The following DRICH1 variants were observed in gnomAD, a reference collection of about 807,000 sequenced individuals.
The protein encoded by DRICH1 is aspartate-rich protein 1.
In DRICH1, 38 loss-of-function variants were observed where a neutral mutation model predicts 39.5. The ratio of observed to expected loss-of-function variants is 0.96; its 90% CI spans 0.74 to 1.26. The LOEUF is 1.26. Among genes scored for constraint, DRICH1 ranks in the 50% most tolerant of loss-of-function variants. DRICH1 has a pLI of 0.00. For missense variants in DRICH1, 279 were observed against 270.4 expected (o/e 1.03, Z -0.22); for synonymous variants, 84 against 99.5 (o/e 0.84, Z 0.93).
At chr22:23,598,210 T>C in the DRICH1 span, among the ~76,000 whole-genome samples, 15 of 145,896 alleles carry the variant, frequency 1.0e-4, no homozygotes, top group South Asian at 3.2e-3. Context: ...TGGCTGGTCC[T>C]CAGGTCCCTG....
At chr22:23,613,564 C>G in intron 10 of DRICH1, 75 bp downstream of exon 10, 1 of 1,188,356 alleles carries the variant, frequency 8.4e-7, no homozygotes, top group Non-Finnish European at 1.3e-6. Context: ...CCAGCAGGAC[C>G]CCAGAATCAG....
chr22:23,606,136 A>C (rs754254461), downstream of DRICH1, among the ~76,000 whole-genome samples: 20 of 151,984 alleles, frequency 1.3e-4, no homozygotes, highest in Non-Finnish European at 1.3e-4. Flanking sequence ...ACAAAATAGT[A>C]ACCCTTTAGT....
intron 1 of DRICH1, among the ~76,000 whole-genome samples, chr22:23,628,880 A>C (rs1427643546): frequency 1.3e-5 from 2 of 152,194 alleles, no homozygotes; most frequent in Non-Finnish European, 2.9e-5. Flanking sequence ...AAGAGAAAGC[A>C]ATGAAACTCC....
chr22:23,622,472 A>C (rs1477481353), intron 3 of DRICH1, among the ~76,000 whole-genome samples: 3 of 152,130 alleles, frequency 2.0e-5, no homozygotes, highest in Non-Finnish European at 4.4e-5. Flanking sequence ...CCTACCTCTC[A>C]AATGTTTTGA....
At chr22:23,587,072 T>C in the DRICH1 span, among the ~76,000 whole-genome samples, 1 of 152,212 alleles carries the variant, frequency 6.6e-6, no homozygotes, top group African/African-American at 2.4e-5. Context: ...GCCCTTATCG[T>C]GCAAGAGTCA....
intron 11 of DRICH1, among the ~76,000 whole-genome samples, chr22:23,612,352 C>A (rs1054180308): frequency 6.6e-6 from 1 of 151,104 alleles, no homozygotes; most frequent in African/African-American, 2.4e-5. Context: ...CTGTAGTCCC[C>A]ACTACTCGGG....
intron 11 of DRICH1, among the ~76,000 whole-genome samples, chr22:23,612,548 T>C (rs928340297): frequency 3.3e-5 from 5 of 152,144 alleles, no homozygotes; most frequent in South Asian, 4.2e-4. Context: ...AGCCAAATTT[T>C]TGAAGACAGG....
chr22:23,598,733 G>C, the DRICH1 span, among the ~76,000 whole-genome samples: 6 of 152,230 alleles, frequency 3.9e-5, no homozygotes, highest in African/African-American at 1.4e-4. Flanking sequence ...TCAGAGCTGG[G>C]GAATGGTAAA....
the DRICH1 span, among the ~76,000 whole-genome samples, chr22:23,595,105 G>T: frequency 0.11 from 15,280 of 144,750 alleles, 712 homozygotes; most frequent in East Asian, 0.21. Context: ...CTGTCCTGTG[G>T]GTGGAGGGTG....
At chr22:23,609,545 C>A (rs1175712877) in intron 11 of DRICH1, among the ~76,000 whole-genome samples, 1 of 152,126 alleles carries the variant, frequency 6.6e-6, no homozygotes, top group Non-Finnish European at 1.5e-5. Context: ...GTCTACAGAG[C>A]ACCCCCTGAC....
the DRICH1 span, among the ~76,000 whole-genome samples, chr22:23,597,153 T>G: frequency 7.2e-6 from 1 of 138,436 alleles, no homozygotes; most frequent in Non-Finnish European, 1.6e-5. Context: ...CCTTCCTGCC[T>G]TGCCTCCTTC....
At chr22:23,627,913 A>G (rs1228742981) in intron 1 of DRICH1, among the ~76,000 whole-genome samples, 1 of 152,104 alleles carries the variant, frequency 6.6e-6, no homozygotes, top group Non-Finnish European at 1.5e-5. Flanking sequence ...GTTCATTACA[A>G]TGCCCATGGG....
At chr22:23,616,985 G>C (rs1426940959) in intron 7 of DRICH1, 111 bp from the exon 8 acceptor site, 1 of 1,273,814 alleles carries the variant, frequency 7.9e-7, no homozygotes, top group East Asian at 2.3e-5. Context: ...TAAGACAGTG[G>C]TAAGTCAAGG....
At chr22:23,625,610 A>T (rs1212660500) in intron 2 of DRICH1, among the ~76,000 whole-genome samples, 2 of 152,130 alleles carry the variant, frequency 1.3e-5, no homozygotes, top group African/African-American at 4.8e-5. Flanking sequence ...TAAGTCAAAT[A>T]CTTGAAGAGA....
chr22:23,624,294 GAA>G (rs1397611279), intron 3 of DRICH1: 4 of 985,082 alleles, frequency 4.1e-6, no homozygotes, highest in Non-Finnish European at 4.8e-6. Flanking sequence ...GGCACAGGCA[GAA>G]AAGAGCAGGT....
At chr22:23,631,215 C>T (rs949305487) in intron 1 of DRICH1, among the ~76,000 whole-genome samples, 2 of 151,952 alleles carry the variant, frequency 1.3e-5, no homozygotes, top group East Asian at 1.9e-4. Context: ...GTCAGGAGAT[C>T]GAGACCATTC....
the DRICH1 span, among the ~76,000 whole-genome samples, chr22:23,600,152 TG>T: frequency 6.6e-6 from 1 of 152,200 alleles, no homozygotes; most frequent in African/African-American, 2.4e-5. Context: ...TGGGGGCAGC[TG>T]TGCTTCCAGG....
intron 7 of DRICH1, among the ~76,000 whole-genome samples, 156 bp downstream of exon 7, chr22:23,617,419 T>C (rs973433867): frequency 6.6e-6 from 1 of 152,196 alleles, no homozygotes; most frequent in African/African-American, 2.4e-5. Flanking sequence ...CCTGCTTGGA[T>C]TGGCAATGCC....
the DRICH1 span, among the ~76,000 whole-genome samples, chr22:23,596,722 C>A: frequency 6.6e-6 from 1 of 152,188 alleles, no homozygotes; most frequent in Non-Finnish European, 1.5e-5. Flanking sequence ...CATTCTATTG[C>A]AGAGAAGATA....
Sources: allele counts gnomAD v4.1 joint callset (sites outside exome capture counted in the v4.1 genomes callset), GRCh38; gene constraint gnomAD v4.1.1; transcripts MANE v1.5; gene names NCBI Gene and HGNC (gene_info 2026-07-23, HGNC 2026-07-21).